The following ACLY variants were observed in gnomAD, a reference collection of about 807,000 sequenced individuals.
The protein encoded by ACLY is ATP-citrate synthase.
In ACLY, 41 loss-of-function variants were observed where a neutral mutation model predicts 133.0. The observed-to-expected ratio is 0.31, with a 90% confidence interval of 0.24 to 0.40. ACLY has a LOEUF of 0.40. ACLY is among the 10% of genes least tolerant of loss of function. The probability of loss-of-function intolerance (pLI) is 1.00; values close to 1 mark genes in which losing one functional copy is unlikely to be tolerated. For synonymous variants in ACLY, 495 were observed against 549.3 expected (o/e 0.90, Z 1.38); for missense variants, 1,046 against 1,453.8 (o/e 0.72, Z 4.56).
intron 10 of ACLY, among the ~76,000 whole-genome samples, chr17:41,903,832 A>C (rs2049611112): frequency 6.8e-6 from 1 of 147,454 alleles, no homozygotes; most frequent in Non-Finnish European, 1.5e-5. Context: ...GAAAGTAAGG[A>C]GGATCGGTTG....
chr17:41,918,854 C>T, intron 1 of ACLY, 26 bp downstream of exon 1: 2 of 1,287,036 alleles, frequency 1.6e-6, no homozygotes, highest in Middle Eastern at 2.1e-4. Context: ...GGGCTCCAGC[C>T]AGCGAAAACA....
chr17:41,876,879 T>C (rs1555626278), intron 22 of ACLY, among the ~76,000 whole-genome samples: 1 of 148,878 alleles, frequency 6.7e-6, no homozygotes, highest in Non-Finnish European at 1.5e-5. Flanking sequence ...AATCCCCCTC[T>C]GCGAGAAACA....
rs979196894 is a variant in ACLY, at chr17:41,873,804, T to C, written c.2642+7A>G. The stretch of plus-strand genomic sequence containing the variant: ...GGGCCCTGTAATCTTCTGCCCTCCA[T>C]GCTCACCTTTTCTGGAACCAGAGGA... On this transcript the variant is annotated splice_region_variant and intron_variant, in intron 23 of 28. Coordinates refer to ENST00000352035, the MANE Select transcript of ACLY (RefSeq NM_001096.3). 7 of 1,555,126 alleles carry C rather than the reference T, an allele frequency of 4.5e-6. No homozygotes were observed. Among genetic ancestry groups the C allele is most frequent in the South Asian group, 2.4e-5 (2 of 84,852 alleles).
chr17:41,895,942 C>G (rs1006495284), intron 14 of ACLY, among the ~76,000 whole-genome samples: 4 of 152,190 alleles, frequency 2.6e-5, no homozygotes, highest in African/African-American at 7.2e-5. Context: ...AATGCGCATG[C>G]ACAGAAGTAT....
rs782107901 is a variant in ACLY, at chr17:41,912,437, G to A, written c.265C>T (p.Leu89=). The A allele has an allele frequency of 1.3e-5, 21 of 1,614,026 alleles. No individual in the cohort carries two copies. The highest frequency in any genetic ancestry group is 1.7e-5 in the Non-Finnish European group (20 of 1,180,002). Residue 89 remains leucine (L), a synonymous_variant, in exon 3 of 29, where the codon CTG becomes TTG. Coordinates refer to ENST00000352035, the MANE Select transcript of ACLY (RefSeq NM_001096.3). ...DGVKSWLKPR[L]GQEATVGKAT... The stretch of plus-strand genomic sequence containing the variant: ...CCACTCACTGTGGCTTCCTGTCCCA[G>A]CCGTGGCTTCAGCCAGGACTTGACC...
At position 41,892,587 on chromosome 17, in the gene ACLY, G is replaced by A. The variant is rs940488014; in HGVS notation, c.1602-140C>T. 16 of 729,206 alleles carry A rather than the reference G, an allele frequency of 2.2e-5. No homozygotes were observed. In the African/African-American group the frequency reaches 2.7e-4, roughly 12 times the overall value. 45.2% of individuals were successfully genotyped at this position (729,206 alleles called of 1,614,324 possible). A position where few individuals can be genotyped will look rare whatever the true frequency, so the allele number is the denominator to read the frequency against. ...AAAGAATTTTCATCTAAGGGACAAA[G>A]ATCCCCCAGGAATACTGACTGCCTC... On this transcript the variant is annotated intron_variant, in intron 15 of 28. Transcript: ENST00000352035.
chr17:41,917,979 C>G (rs1555634781), intron 1 of ACLY, among the ~76,000 whole-genome samples: 1 of 152,212 alleles, frequency 6.6e-6, no homozygotes, highest in Non-Finnish European at 1.5e-5. Context: ...GTGCTGTGCA[C>G]TTTTCCTTAT....
intron 2 of ACLY, 28 bp from the exon 3 acceptor site, chr17:41,912,570 G>C: frequency 2.5e-6 from 4 of 1,613,770 alleles, no homozygotes; most frequent in Non-Finnish European, 3.4e-6. Flanking sequence ...TGTATTTAGA[G>C]TGAGGAAGAA....
At position 41,893,065 on chromosome 17, in the gene ACLY, C is replaced by T. The variant is rs782759857; in HGVS notation, c.1569G>A (p.Glu523=). The change falls in exon 15 of 29, where the codon GAG becomes GAA. Residue 523 remains glutamate (E), a synonymous_variant. Coordinates refer to ENST00000352035, the MANE Select transcript of ACLY (RefSeq NM_001096.3). ...GGTAGACCATGGCAGCCACTGAGGG[C>T]TCGTCTCGGGAGCAGACATAGTCAA... The part of the protein sequence containing the change: ...LDFDYVCSRD[E]PSVAAMVYPF... 1 of 1,614,064 alleles carries T rather than the reference C, an allele frequency of 6.2e-7. No homozygotes were observed. Among genetic ancestry groups the T allele is most frequent in the Non-Finnish European group, 8.5e-7 (1 of 1,179,980 alleles).
chr17:41,909,180 C>A, intron 5 of ACLY, 112 bp from the exon 6 acceptor site: 1 of 824,162 alleles, frequency 1.2e-6, no homozygotes, highest in African/African-American at 1.7e-5. Flanking sequence ...TTTCCCTAAA[C>A]GCACCCCACT....
chr17:41,869,925 T>G lies in ACLY; in HGVS notation c.2938-338A>C, dbSNP rs2048556919. The stretch of plus-strand genomic sequence containing the variant: ...AGTTAACCACTCTCCAACTCAAGAG[T>G]CTTAGGTTCCAGCCTCCAGCCATGC... On this transcript the variant is annotated intron_variant, in intron 25 of 28. Coordinates refer to ENST00000352035, the MANE Select transcript of ACLY (RefSeq NM_001096.3). Among the ~76,000 whole-genome samples the G allele has an allele frequency of 2.0e-5, 3 of 151,822 alleles. No individual in the cohort carries two copies. The South Asian group carries it at 6.2e-4, about 32-fold the overall frequency.
intron 1 of ACLY, among the ~76,000 whole-genome samples, chr17:41,917,329 T>C (rs974971363): frequency 3.9e-5 from 6 of 152,062 alleles, no homozygotes; most frequent in East Asian, 1.9e-4. Context: ...AACAGCTAAA[T>C]GTGTAAACCA....
At chr17:41,871,606 T>C in intron 25 of ACLY, 83 bp downstream of exon 25, 2 of 1,546,880 alleles carry the variant, frequency 1.3e-6, no homozygotes, top group Non-Finnish European at 1.8e-6. Context: ...CCACCTGCCT[T>C]GGCCTCCCAA....
rs985911928 is a variant in ACLY, at chr17:41,906,517, C to A, written c.866+11G>T. The A allele has an allele frequency of 3.7e-6, 6 of 1,612,742 alleles. No homozygotes were observed. The highest frequency in any genetic ancestry group is 3.3e-4 in the Middle Eastern group (2 of 6,052). On this transcript the variant is annotated intron_variant, in intron 8 of 28. Transcript: ENST00000352035. ...TGGGCTGGCATCCCTTCAGCAACCC[C>A]CTTCGGTCACCTGTACACGACAGAG...
chr17:41,883,645 C>T (rs920625192), intron 19 of ACLY, among the ~76,000 whole-genome samples: 7 of 125,778 alleles, frequency 5.6e-5, no homozygotes, highest in Admixed American at 1.0e-4. Context: ...AGGGCAGTGG[C>T]GTTATCTCTG....
In ACLY at chr17:41,886,068, G is replaced by A. The variant is rs202086301; in HGVS notation, c.2072+44C>T. 1.0e-5 allele frequency: 16 copies of A among 1,586,062 alleles called. No homozygotes were observed. In the East Asian group the frequency reaches 1.3e-4, roughly 13 times the overall value. ...ACACAGCATCGTCTCCTAGCCCACT[G>A]CTCTCAAAGCAGGAAGCCCCTCCTT... On this transcript the variant is annotated intron_variant, in intron 18 of 28. Transcript: ENST00000352035.
In ACLY at chr17:41,886,188, T is replaced by C. The variant is rs782644505; in HGVS notation, c.1996A>G (p.Met666Val). The change falls in exon 18 of 29, where the codon ATG (methionine) becomes GTG (valine). Residue 666 changes from methionine to valine, a missense_variant. By Grantham distance (21) the Met-to-Val change is conservative (BLOSUM62 1). This residue lies in a region of ACLY where 575 missense variants were observed against 804.2 expected (regional missense o/e 0.71). Transcript: ENST00000352035. ...ATGATATTGTTGAGCTCGTTGGACA[T>C]GCCTCCGGAACGTGAGACATAGGCC... ...SVAYVSRSGG[M>V]SNELNNIISR... The C allele has an allele frequency of 1.5e-5, 24 of 1,614,070 alleles. No homozygotes were observed. Among genetic ancestry groups the C allele is most frequent in the Non-Finnish European group, 2.0e-5 (24 of 1,180,036 alleles).
chr17:41,924,998 A>G (rs2050225413), intron 1 of ACLY, among the ~76,000 whole-genome samples: 1 of 151,690 alleles, frequency 6.6e-6, no homozygotes, highest in African/African-American at 2.4e-5. Context: ...ACTTTTACAT[A>G]TGACACGTTT....
intron 22 of ACLY, among the ~76,000 whole-genome samples, chr17:41,875,898 C>T (rs1329321992): frequency 3.3e-5 from 5 of 151,280 alleles, no homozygotes; most frequent in African/African-American, 4.9e-5. Flanking sequence ...TCTGCCTGGC[C>T]GCCCATAGTC....
Sources: gnomAD v4.1 joint callset for allele counts (sites outside exome capture counted in the v4.1 genomes callset) on GRCh38, gnomAD v4.1.1 for gene constraint, gnomAD v4.1.1 regional missense constraint, MANE v1.5 for transcripts, NCBI Gene and HGNC (gene_info 2026-07-23, HGNC 2026-07-21) for gene names.